ARHGEF28: variants seen among roughly 807,000 people sequenced by gnomAD.
ARHGEF28 encodes the protein 190 kDa guanine nucleotide exchange factor.
A neutral mutation model predicts 206.6 loss-of-function variants in ARHGEF28; 152 were observed. That is an observed-to-expected ratio of 0.74 (90% CI 0.64 to 0.84). The LOEUF is 0.84. Among genes scored for constraint, ARHGEF28 ranks in the 40% least tolerant of loss-of-function variants. ARHGEF28 has a pLI of 0.00. For synonymous variants in ARHGEF28, 763 were observed against 776.4 expected, an observed-to-expected ratio of 0.98 and a Z score of 0.29; for missense variants, 2,028 against 2,073.2, an observed-to-expected ratio of 0.98 and a Z score of 0.42.
intron 35 of ARHGEF28, among the ~76,000 whole-genome samples, chr5:73,919,533 C>T (rs1763402457): frequency 6.6e-6 from 1 of 152,202 alleles, no homozygotes; most frequent in Admixed American, 6.5e-5. Context: ...TGAACATCAC[C>T]TCCATTTGGG....
At chr5:73,635,207 G>A (rs1304526924) in intron 1 of ARHGEF28, among the ~76,000 whole-genome samples, 1 of 152,140 alleles carries the variant, frequency 6.6e-6, no homozygotes, top group Non-Finnish European at 1.5e-5. Flanking sequence ...TCCAGGCATG[G>A]TGGCACATGC....
chr5:73,871,872 T>C (rs1311442721), intron 21 of ARHGEF28, among the ~76,000 whole-genome samples: 1 of 152,244 alleles, frequency 6.6e-6, no homozygotes, highest in Non-Finnish European at 1.5e-5. Context: ...CTTTTGCGGC[T>C]GGCTTTTGTC....
chr5:73,744,551 T>TC (rs397721135), intron 2 of ARHGEF28, among the ~76,000 whole-genome samples: 2 of 151,978 alleles, frequency 1.3e-5, no homozygotes, highest in Non-Finnish European at 2.9e-5. Flanking sequence ...GATTTTTTTT[T>TC]CTTATTGTAA....
chr5:73,837,198 A>G lies in ARHGEF28; in HGVS notation c.1147-3282A>G, dbSNP rs546207538. Reference sequence around the variant, plus strand: ...GGATTTTTTTTTCTATTTCTGTGAAAAATTGCCATTATAATTTTGATAGAG... The same window carrying G: ...GGATTTTTTTTTCTATTTCTGTGAAGAATTGCCATTATAATTTTGATAGAG... On this transcript the variant is annotated intron_variant, in intron 10 of 35. Transcript: ENST00000513042. Among the ~76,000 whole-genome samples, 258 of 152,188 alleles carry G rather than the reference A, an allele frequency of 1.7e-3. 2 individuals are homozygous for G. The highest frequency in any genetic ancestry group is 6.8e-3 in the Middle Eastern group (2 of 294).
chr5:73,811,980 CAAAAAA>C (rs11337063), intron 9 of ARHGEF28, among the ~76,000 whole-genome samples: 1 of 114,520 alleles, frequency 8.7e-6, no homozygotes, highest in Non-Finnish European at 1.8e-5. Flanking sequence ...GAGCCTGTCT[CAAAAAA>C]AAAAAAAAAA....
chr5:73,740,608 C>T lies in ARHGEF28; in HGVS notation c.34-9229C>T, dbSNP rs972107499. 9.9e-5 allele frequency among the ~76,000 whole-genome samples: 15 copies of T among 152,164 alleles called. 1 individual carries two copies. The East Asian group carries it at 2.1e-3, about 21-fold the overall frequency. ...ATGATAGACCCTCAGATATTTGCAGCGGTGACCATTTACCCATGAGTCGTC... is the reference window on the plus strand; with the variant it reads ...ATGATAGACCCTCAGATATTTGCAGTGGTGACCATTTACCCATGAGTCGTC... On this transcript the variant is annotated intron_variant, in intron 2 of 35. Transcript: ENST00000513042.
intron 35 of ARHGEF28, among the ~76,000 whole-genome samples, chr5:73,928,173 C>T (rs557441492): frequency 6.6e-6 from 1 of 152,342 alleles, no homozygotes; most frequent in South Asian, 2.1e-4. Context: ...ACCCCCAGCA[C>T]TTCGGGAGGC....
At chr5:73,673,116 G>A (rs1276943696) in intron 1 of ARHGEF28, among the ~76,000 whole-genome samples, 1 of 152,198 alleles carries the variant, frequency 6.6e-6, no homozygotes, top group East Asian at 1.9e-4. Context: ...CAGGTCTATA[G>A]ACACTGTTGT....
At chr5:73,897,063 G>C (rs1020657447) in intron 29 of ARHGEF28, among the ~76,000 whole-genome samples, 2 of 152,168 alleles carry the variant, frequency 1.3e-5, no homozygotes, top group Non-Finnish European at 2.9e-5. Flanking sequence ...GTCTTCCTGG[G>C]ACTTCACTCT....
At chr5:73,807,526 C>T (rs1282380533) in intron 9 of ARHGEF28, among the ~76,000 whole-genome samples, 1 of 150,350 alleles carries the variant, frequency 6.7e-6, no homozygotes, top group Non-Finnish European at 1.5e-5. Context: ...CTCTTCTTGC[C>T]CAGGCTGGAG....
chr5:73,898,306 GAGT>G, intron 30 of ARHGEF28: 1 of 485,588 alleles, frequency 2.1e-6, no homozygotes, highest in Non-Finnish European at 3.4e-6. Flanking sequence ...AGGATCTAAA[GAGT>G]AGTTGGTGGG....
chr5:73,902,572 G>T (rs1242959121), intron 31 of ARHGEF28: 4 of 144,118 alleles, frequency 2.8e-5, no homozygotes, highest in African/African-American at 1.2e-4. Context: ...GTAAAGGGCA[G>T]GATCACTTGA....
intron 1 of ARHGEF28, among the ~76,000 whole-genome samples, chr5:73,666,444 T>C (rs762794483): frequency 2.0e-5 from 3 of 152,216 alleles, no homozygotes; most frequent in African/African-American, 7.2e-5. Flanking sequence ...ATTACCCTAG[T>C]GGAGGCTCTC....
At chr5:73,914,225 C>A (rs927151701) in intron 35 of ARHGEF28, among the ~76,000 whole-genome samples, 1 of 152,052 alleles carries the variant, frequency 6.6e-6, no homozygotes, top group Non-Finnish European at 1.5e-5. Context: ...ATACTCACAA[C>A]AACCCACTGA....
Position 73,934,375 on chromosome 5 carries a change from G to A in ARHGEF28, c.4949-6469G>A, listed in dbSNP as rs183673753. On this transcript the variant is annotated intron_variant, in intron 35 of 35. Transcript: ENST00000513042. ...ACACAATGTCTGTTTCTCTTTTTGT[G>A]TTATTAAAATTGATCCTTGGGTCCA... is the stretch of plus-strand genomic sequence containing the variant. 1.2e-3 allele frequency among the ~76,000 whole-genome samples: 178 copies of A among 151,878 alleles called. 1 individual carries two copies. Among genetic ancestry groups the A allele is most frequent in the African/African-American group, 4.1e-3 (169 of 41,188 alleles).
At chr5:73,867,175 C>T (rs577330728) in intron 18 of ARHGEF28, among the ~76,000 whole-genome samples, 25 of 152,262 alleles carry the variant, frequency 1.6e-4, no homozygotes, top group African/African-American at 5.8e-4. Flanking sequence ...AACTTATGCA[C>T]GTGTAAAATG....
chr5:73,860,080 T>C (rs1186832315), intron 16 of ARHGEF28, among the ~76,000 whole-genome samples: 1 of 152,198 alleles, frequency 6.6e-6, no homozygotes, highest in East Asian at 1.9e-4. Flanking sequence ...GATGTTTCCT[T>C]CTTTTCCGTG....
At position 73,630,167 on chromosome 5, in the gene ARHGEF28, C is replaced by T. The variant is rs906255602; in HGVS notation, c.-12+3845C>T. Among the ~76,000 whole-genome samples the T allele has an allele frequency of 4.9e-4, 74 of 152,248 alleles. 1 individual carries two copies. The highest frequency in any genetic ancestry group is 3.3e-3 in the Admixed American group (50 of 15,302). On this transcript the variant is annotated intron_variant, in intron 1 of 35. Coordinates refer to ENST00000513042, the MANE Select transcript of ARHGEF28 (RefSeq NM_001177693.2). Reference sequence around the variant, plus strand: ...ACATTCCCTTAATAAATAGATGAAGCGTATATTGTATATATTAATGACATT... The same window carrying T: ...ACATTCCCTTAATAAATAGATGAAGTGTATATTGTATATATTAATGACATT...
chr5:73,806,479 CTATATATAGT>C (rs1755472450), intron 9 of ARHGEF28, among the ~76,000 whole-genome samples: 2 of 109,940 alleles, frequency 1.8e-5, no homozygotes, highest in African/African-American at 8.6e-5. Context: ...TAGTATATAT[CTATATATAGT>C]ATGTATATAG....
Sources: allele counts gnomAD v4.1 joint callset (sites outside exome capture counted in the v4.1 genomes callset), GRCh38; gene constraint gnomAD v4.1.1; transcripts MANE v1.5; gene names NCBI Gene and HGNC (gene_info 2026-07-23, HGNC 2026-07-21).